The following TMEM272 variants were observed in gnomAD, a reference collection of about 807,000 sequenced individuals.
TMEM272 encodes long intergenic non-protein coding RNA 282.
A neutral mutation model predicts 3.7 loss-of-function variants in TMEM272; 8 were observed. The ratio of observed to expected loss-of-function variants is 2.17; its 90% confidence interval spans 1.27 to 3.91. The LOEUF (loss-of-function observed/expected upper bound fraction) is 3.91. TMEM272 is among the 30% of genes most tolerant of loss of function. The probability of loss-of-function intolerance (pLI) is 0.00; values close to 1 mark genes in which losing one functional copy is unlikely to be tolerated. For synonymous variants in TMEM272, 63 were observed against 39.8 expected (o/e 1.58, Z -2.20); for missense variants, 166 against 91.5 (o/e 1.81, Z -3.32).
the TMEM272 span, among the ~76,000 whole-genome samples, chr13:51,869,847 G>T: frequency 6.6e-6 from 1 of 152,110 alleles, no homozygotes; most frequent in Admixed American, 6.5e-5. Context: ...CCTCAAGTAC[G>T]CTCTGCAGGA....
In TMEM272 at chr13:51,835,789, C is replaced by T. The variant is rs1440372391; in HGVS notation, c.58+2684G>A. 3.9e-5 allele frequency among the ~76,000 whole-genome samples: 6 copies of T among 152,208 alleles called. 1 individual carries two copies. The highest frequency in any genetic ancestry group is 4.1e-4 in the South Asian group (2 of 4,834). On this transcript the variant is annotated intron_variant, in intron 2 of 4. Coordinates refer to ENST00000629372, the MANE Select transcript of TMEM272 (RefSeq NM_001351003.2). ...GAGTAATAGAGCAAACATTCAGATACTTGCCACTCAGGTTTCCCTCTGCAT... is the reference window on the plus strand; with the variant it reads ...GAGTAATAGAGCAAACATTCAGATATTTGCCACTCAGGTTTCCCTCTGCAT...
At chr13:51,825,829 AAAC>A (rs1956120135) in intron 3 of TMEM272, among the ~76,000 whole-genome samples, 2 of 151,910 alleles carry the variant, frequency 1.3e-5, no homozygotes, top group Admixed American at 6.6e-5. Context: ...GGCTAGTCTC[AAAC>A]TCCTGGGCTC....
the TMEM272 span, among the ~76,000 whole-genome samples, chr13:51,887,451 A>C: frequency 6.6e-6 from 1 of 152,234 alleles, no homozygotes; most frequent in Admixed American, 6.5e-5. Context: ...ATTTGTTAAA[A>C]ATAAAAGGAG....
chr13:51,859,894 A>ATTT, the TMEM272 span, among the ~76,000 whole-genome samples: 1 of 148,704 alleles, frequency 6.7e-6, no homozygotes, highest in South Asian at 2.1e-4. Flanking sequence ...CTGTTATTCT[A>ATTT]TTTTTTTTTT....
At chr13:51,872,997 A>G in the TMEM272 span, among the ~76,000 whole-genome samples, 1 of 152,230 alleles carries the variant, frequency 6.6e-6, no homozygotes, top group African/African-American at 2.4e-5. Flanking sequence ...AGGAAGCAGG[A>G]GATCCAATAC....
chr13:51,836,120 A>C (rs1003965843), intron 2 of TMEM272, among the ~76,000 whole-genome samples: 1 of 152,196 alleles, frequency 6.6e-6, no homozygotes, highest in Non-Finnish European at 1.5e-5. Flanking sequence ...TGGAGCTTAA[A>C]TGAGAGGTGA....
the TMEM272 span, among the ~76,000 whole-genome samples, chr13:51,888,639 C>CTTTTTTTTTTTTTTTTTTT: frequency 9.6e-4 from 74 of 76,792 alleles, 1 homozygote; most frequent in Middle Eastern, 9.4e-3. Flanking sequence ...TTTTCTTTTT[C>CTTTTTTTTTTTTTTTTTTT]TTTTTTTTTT....
At chr13:51,922,340 G>A in the TMEM272 span, among the ~76,000 whole-genome samples, 12 of 152,346 alleles carry the variant, frequency 7.9e-5, no homozygotes, top group East Asian at 3.9e-4. Context: ...TTGGGTGGGC[G>A]TGGCCCAGGC....
intron 2 of TMEM272, among the ~76,000 whole-genome samples, chr13:51,837,179 C>A (rs1015651635): frequency 6.6e-6 from 1 of 152,212 alleles, no homozygotes; most frequent in Non-Finnish European, 1.5e-5. Flanking sequence ...TACAGTGCAG[C>A]CAGGAAACAT....
the TMEM272 span, chr13:51,910,365 A>G: frequency 1.6e-5 from 18 of 1,138,882 alleles, no homozygotes; most frequent in East Asian, 4.7e-5. Context: ...TTTTTCTTCA[A>G]TTAGTCCAGA....
the TMEM272 span, among the ~76,000 whole-genome samples, chr13:51,874,977 A>G: frequency 6.6e-6 from 1 of 152,172 alleles, no homozygotes; most frequent in East Asian, 1.9e-4. Context: ...CAGAACTCAG[A>G]GCTGGTTGCT....
the TMEM272 span, among the ~76,000 whole-genome samples, chr13:51,900,258 G>A: frequency 6.6e-6 from 1 of 152,174 alleles, no homozygotes; most frequent in South Asian, 2.1e-4. Flanking sequence ...ATAAGGGACT[G>A]GAGTCCAGAA....
At chr13:51,930,751 C>CA in the TMEM272 span, among the ~76,000 whole-genome samples, 264 of 130,178 alleles carry the variant, frequency 2.0e-3, 1 homozygote, top group Middle Eastern at 0.012. Context: ...TTTTTTAGAG[C>CA]AAAAAAAAAA....
chr13:51,916,510 C>T, the TMEM272 span, among the ~76,000 whole-genome samples: 916 of 152,298 alleles, frequency 6.0e-3, 9 homozygotes, highest in Non-Finnish European at 0.01. Context: ...TTATTGAAAA[C>T]GTCTTATTTT....
chr13:51,883,395 GAGA>G, the TMEM272 span, among the ~76,000 whole-genome samples: 1 of 152,214 alleles, frequency 6.6e-6, no homozygotes, highest in African/African-American at 2.4e-5. Flanking sequence ...GAGCAAGACA[GAGA>G]AGAATTTTCT....
intron 1 of TMEM272, 143 bp from the exon 2 acceptor site, chr13:51,838,696 G>A (rs1013267254): frequency 3.0e-6 from 2 of 663,758 alleles, no homozygotes; most frequent in African/African-American, 3.6e-5. Flanking sequence ...TGTCAGGTGT[G>A]GCCTTGTTAG....
At chr13:51,865,424 A>C in the TMEM272 span, 58 of 1,611,244 alleles carry the variant, frequency 3.6e-5, no homozygotes, top group Non-Finnish European at 4.6e-5. Flanking sequence ...GTTTTCCTTC[A>C]AGGTGAGCAG....
the TMEM272 span, chr13:51,910,649 A>G: frequency 3.9e-6 from 2 of 509,848 alleles, no homozygotes; most frequent in Admixed American, 6.1e-5. Context: ...GGCAGTGGCC[A>G]AAGTAACCAT....
the TMEM272 span, among the ~76,000 whole-genome samples, chr13:51,904,936 T>C: frequency 6.6e-6 from 1 of 152,208 alleles, no homozygotes. Flanking sequence ...ACTGACATTT[T>C]GGAATAGATA....
Sources: allele counts gnomAD v4.1 joint callset (sites outside exome capture counted in the v4.1 genomes callset), GRCh38; gene constraint gnomAD v4.1.1; transcripts MANE v1.5; gene names NCBI Gene and HGNC (gene_info 2026-07-23, HGNC 2026-07-21).